Variants in GSTCD observed in about 807,000 individuals in gnomAD.
GSTCD encodes glutathione S-transferase C-terminal domain containing, also known as glutathione S-transferase C-terminal domain-containing protein.
GSTCD carries 44 observed loss-of-function variants against 68.3 expected under a neutral mutation model. The ratio of observed to expected loss-of-function variants is 0.64; its 90% CI spans 0.51 to 0.83. GSTCD has a LOEUF of 0.83. Among genes scored for constraint, GSTCD ranks in the 40% least tolerant of loss-of-function variants. GSTCD has a pLI of 0.00. For missense variants in GSTCD, 739 were observed against 735.9 expected (o/e 1.00, Z -0.05); for synonymous variants, 273 against 255.2 (o/e 1.07, Z -0.67).
chr4:105,782,810 TTAA>T (rs1192709077), intron 5 of GSTCD, among the ~76,000 whole-genome samples: 2 of 152,214 alleles, frequency 1.3e-5, no homozygotes, highest in Non-Finnish European at 2.9e-5. Context: ...TTGAGAATTC[TTAA>T]TAATCGCTTC....
At position 105,834,568 on chromosome 4, in the gene GSTCD, C is replaced by T. The variant is rs773562851; in HGVS notation, c.1638C>T (p.Asn546=). 5 of 1,613,976 alleles carry T rather than the reference C, an allele frequency of 3.1e-6. No homozygotes were observed. Among genetic ancestry groups the T allele is most frequent in the African/African-American group, 1.3e-5 (1 of 75,030 alleles). Residue 546 remains asparagine, a synonymous_variant, in exon 9 of 12, where the codon AAC becomes AAT. Transcript: ENST00000515279. ...CTTGCTGTTATGGTTTCATTCAGAA[C>T]ACCTCAAAGTTCAATTTTCCAAAAA... ...TCPCCYGFIQ[N]TSKFNFPKSE...
intron 5 of GSTCD, among the ~76,000 whole-genome samples, chr4:105,822,750 A>AG (rs1343203354): frequency 6.6e-6 from 1 of 152,106 alleles, no homozygotes; most frequent in African/African-American, 2.4e-5. Context: ...ACAAGCAAAA[A>AG]TAAAGTTCAT....
At chr4:105,762,429 T>TA (rs1734449743) in intron 5 of GSTCD, among the ~76,000 whole-genome samples, 1 of 152,234 alleles carries the variant, frequency 6.6e-6, no homozygotes, top group Non-Finnish European at 1.5e-5. Flanking sequence ...GATAAACACT[T>TA]AAAATAAATG....
chr4:105,817,168 C>T (rs1412544350), intron 5 of GSTCD, among the ~76,000 whole-genome samples: 1 of 151,752 alleles, frequency 6.6e-6, no homozygotes, highest in Non-Finnish European at 1.5e-5. Context: ...ACTATATGCT[C>T]ATTAAGGATA....
At chr4:105,740,847 A>G (rs12504088) in intron 5 of GSTCD, among the ~76,000 whole-genome samples, 33,830 of 151,900 alleles carry the variant, frequency 0.22, 5,081 homozygotes, top group African/African-American at 0.43. Context: ...AAATACCCTC[A>G]GGGCAGCCAT....
chr4:105,807,737 A>G (rs953579993), intron 5 of GSTCD, among the ~76,000 whole-genome samples: 1 of 152,020 alleles, frequency 6.6e-6, no homozygotes, highest in Non-Finnish European at 1.5e-5. Flanking sequence ...AGTTTGACAC[A>G]TTGTTTGTGA....
At chr4:105,710,141 C>A (rs1732475179) in intron 1 of GSTCD, among the ~76,000 whole-genome samples, 1 of 144,428 alleles carries the variant, frequency 6.9e-6, no homozygotes, top group Non-Finnish European at 1.5e-5. Context: ...ATCATCATTT[C>A]TTTTTATTTT....
At chr4:105,824,663 C>G (rs1183986675) in intron 7 of GSTCD, among the ~76,000 whole-genome samples, 1 of 152,170 alleles carries the variant, frequency 6.6e-6, no homozygotes, top group Non-Finnish European at 1.5e-5. Flanking sequence ...TGCCCTCTGG[C>G]CTTGTTGCCA....
chr4:105,825,194 A>G (rs1388847859), intron 7 of GSTCD, among the ~76,000 whole-genome samples: 1 of 152,086 alleles, frequency 6.6e-6, no homozygotes, highest in Admixed American at 6.5e-5. Flanking sequence ...CAGTGGTGCG[A>G]TCTCAGCTCA....
intron 5 of GSTCD, among the ~76,000 whole-genome samples, chr4:105,780,339 G>T (rs28712617): frequency 0.01 from 1,524 of 152,292 alleles, 16 homozygotes; most frequent in Admixed American, 0.029. Context: ...TTGGCTCACT[G>T]GTTTGCCCTA....
At chr4:105,775,415 G>A (rs1735016762) in intron 5 of GSTCD, among the ~76,000 whole-genome samples, 1 of 152,146 alleles carries the variant, frequency 6.6e-6, no homozygotes, top group South Asian at 2.1e-4. Context: ...ATCCTTTGGG[G>A]GAGAAAAGGC....
chr4:105,772,529 C>T lies in GSTCD; in HGVS notation c.1240+43030C>T, dbSNP rs193264797. ...AGCTCTTATTGTTTTGATATGTGTT[C>T]CATCAGTACCTAATTTATTGAGTGT... On this transcript the variant is annotated intron_variant, in intron 5 of 11. Transcript: ENST00000515279. Among the ~76,000 whole-genome samples, 5 of 152,180 alleles carry T rather than the reference C, an allele frequency of 3.3e-5. No homozygotes were observed. The East Asian group carries it at 7.7e-4, about 24-fold the overall frequency.
In GSTCD at chr4:105,717,687, G is replaced by T. The variant is rs76079605; in HGVS notation, c.74G>T (p.Cys25Phe). The change falls in exon 2 of 12, where the codon TGC becomes TTC. Residue 25 changes from cysteine (C) to phenylalanine (F), a missense_variant. By Grantham distance (205) the Cys-to-Phe change is radical. Coordinates refer to ENST00000515279, the MANE Select transcript of GSTCD (RefSeq NM_001370181.1). ...GACTTTTCTCACCAAACAGAAGGAT[G>T]CATCTTTCCTCTTCATACATCTGTA... is the stretch of plus-strand genomic sequence containing the variant. ...YLDFSHQTEG[C>F]IFPLHTSVTL... is the part of the protein sequence containing the mutation. The T allele has an allele frequency of 6.2e-7, 1 of 1,612,322 alleles. No individual in the cohort carries two copies. Among genetic ancestry groups the T allele is most frequent in the East Asian group, 2.2e-5 (1 of 44,854 alleles).
intron 5 of GSTCD, among the ~76,000 whole-genome samples, chr4:105,797,798 A>C (rs1484183171): frequency 9.0e-6 from 1 of 111,052 alleles, no homozygotes; most frequent in Admixed American, 1.2e-4. Context: ...TTTTTGAGAC[A>C]GAGTCTTGCC....
At chr4:105,792,367 T>C (rs1735711669) in intron 5 of GSTCD, among the ~76,000 whole-genome samples, 1 of 152,036 alleles carries the variant, frequency 6.6e-6, no homozygotes, top group Non-Finnish European at 1.5e-5. Context: ...ATATGGTACA[T>C]TGAAAGCCTG....
At chr4:105,818,401 C>A (rs920955100) in intron 5 of GSTCD, among the ~76,000 whole-genome samples, 2 of 151,648 alleles carry the variant, frequency 1.3e-5, no homozygotes, top group Admixed American at 6.6e-5. Flanking sequence ...GCAAAGGGAA[C>A]AAATTATATA....
intron 5 of GSTCD, among the ~76,000 whole-genome samples, chr4:105,774,283 CTGATGGGTCT>C (rs1734969055): frequency 6.6e-6 from 1 of 152,198 alleles, no homozygotes; most frequent in Non-Finnish European, 1.5e-5. Context: ...ATAGAGCACA[CTGATGGGTCT>C]TGACTGTATT....
intron 11 of GSTCD, among the ~76,000 whole-genome samples, chr4:105,843,077 C>A (rs1724419939): frequency 6.6e-6 from 1 of 152,132 alleles, no homozygotes; most frequent in African/African-American, 2.4e-5. Flanking sequence ...TACTAGAAAA[C>A]AGATTGTTGT....
intron 3 of GSTCD, among the ~76,000 whole-genome samples, chr4:105,720,475 G>A (rs1386893619): frequency 6.6e-6 from 1 of 152,122 alleles, no homozygotes; most frequent in Non-Finnish European, 1.5e-5. Flanking sequence ...CTATGTATTT[G>A]AAGGCTTTGC....
Sources: gnomAD v4.1 joint callset for allele counts (sites outside exome capture counted in the v4.1 genomes callset) on GRCh38, gnomAD v4.1.1 for gene constraint, MANE v1.5 for transcripts, NCBI Gene and HGNC (gene_info 2026-07-23, HGNC 2026-07-21) for gene names.